The following APIP variants were observed in gnomAD, a reference collection of about 807,000 sequenced individuals.
APIP encodes methylthioribulose-1-phosphate dehydratase.
Under a neutral mutation model 32.0 loss-of-function variants are expected in APIP, and 32 were observed. The ratio of observed to expected loss-of-function variants is 1.00; its 90% CI spans 0.76 to 1.34. The LOEUF is 1.34. APIP is among the 40% of genes most tolerant of loss of function. APIP has a pLI of 0.00. For synonymous variants in APIP, 92 were observed against 94.8 expected, an observed-to-expected ratio of 0.97 and a Z score of 0.17; for missense variants, 247 against 298.6, an observed-to-expected ratio of 0.83 and a Z score of 1.27.
At chr11:34,888,043 T>C (rs1006534161) in intron 5 of APIP, among the ~76,000 whole-genome samples, 11 of 152,238 alleles carry the variant, frequency 7.2e-5, no homozygotes, top group African/African-American at 2.6e-4. Flanking sequence ...CAAGATTTTT[T>C]TCAGTTTAAA....
intron 5 of APIP, among the ~76,000 whole-genome samples, chr11:34,886,384 T>C (rs537112698): frequency 5.5e-4 from 83 of 152,074 alleles, no homozygotes; most frequent in Non-Finnish European, 1.1e-3. Context: ...GAAAATATTT[T>C]TGTATAGCTG....
Position 34,899,154 on chromosome 11 carries a change from C to A in APIP, c.58-4044G>T, listed in dbSNP as rs1238897354. Among the ~76,000 whole-genome samples, 5 of 152,188 alleles carry A rather than the reference C, an allele frequency of 3.3e-5. 1 individual carries two copies. The East Asian group carries it at 9.6e-4, about 29-fold the overall frequency. On this transcript the variant is annotated intron_variant, in intron 1 of 6. Coordinates refer to ENST00000395787, the MANE Select transcript of APIP (RefSeq NM_015957.4). ...AAAGTGCTGGGATTACAGGCGTGAG[C>A]CACTGAGCCCGGCCTCGAGCAAATA...
chr11:34,906,786 G>A (rs1219773019), intron 1 of APIP, among the ~76,000 whole-genome samples: 1 of 152,198 alleles, frequency 6.6e-6, no homozygotes, highest in Non-Finnish European at 1.5e-5. Flanking sequence ...GCAGGCTTCA[G>A]CCCCGGGTGG....
intron 1 of APIP, among the ~76,000 whole-genome samples, chr11:34,895,633 A>C (rs1183529820): frequency 6.6e-6 from 1 of 152,248 alleles, no homozygotes; most frequent in Non-Finnish European, 1.5e-5. Context: ...AAAGCAATAT[A>C]TACTCATTAT....
chr11:34,910,684 C>A (rs1343723121), intron 1 of APIP, among the ~76,000 whole-genome samples: 1 of 151,868 alleles, frequency 6.6e-6, no homozygotes, highest in Non-Finnish European at 1.5e-5. Flanking sequence ...TTATAGAGTG[C>A]TTATTTTGTG....
chr11:34,888,953 T>C, intron 3 of APIP, 84 bp from the exon 4 acceptor site: 1 of 736,356 alleles, frequency 1.4e-6, no homozygotes, highest in Non-Finnish European at 2.0e-6. Flanking sequence ...TACATATACA[T>C]AAGAATACAA....
At chr11:34,883,589 A>C (rs1180415370) in intron 5 of APIP, 85 bp from the exon 6 acceptor site, 1 of 1,401,594 alleles carries the variant, frequency 7.1e-7, no homozygotes, top group Non-Finnish European at 9.7e-7. Flanking sequence ...TCAAGTAACC[A>C]GTTAGACATG....
At chr11:34,913,830 T>C (rs1439860654) in intron 1 of APIP, among the ~76,000 whole-genome samples, 1 of 152,160 alleles carries the variant, frequency 6.6e-6, no homozygotes, top group Non-Finnish European at 1.5e-5. Context: ...GATTGGTGCA[T>C]TTACAATCCT....
intron 1 of APIP, among the ~76,000 whole-genome samples, chr11:34,901,175 T>C (rs143306059): frequency 2.3e-4 from 35 of 152,176 alleles, no homozygotes; most frequent in African/African-American, 8.2e-4. Flanking sequence ...GTAGCAGTGG[T>C]GCAAGCTTGC....
chr11:34,885,241 A>G (rs1408833677), intron 5 of APIP, among the ~76,000 whole-genome samples: 1 of 148,520 alleles, frequency 6.7e-6, no homozygotes, highest in Non-Finnish European at 1.5e-5. Context: ...ATACATGTAT[A>G]TATAACTATA....
intron 1 of APIP, among the ~76,000 whole-genome samples, chr11:34,909,841 AACTGGGCT>A (rs1294944250): frequency 6.6e-6 from 1 of 152,134 alleles, no homozygotes; most frequent in Non-Finnish European, 1.5e-5. Context: ...CTAGTGGAGG[AACTGGGCT>A]TCTTGCCTTT....
intron 1 of APIP, among the ~76,000 whole-genome samples, chr11:34,901,488 G>C (rs1481708679): frequency 2.0e-5 from 3 of 152,016 alleles, no homozygotes; most frequent in African/African-American, 7.3e-5. Context: ...AGGAAGGAAG[G>C]TAGATCTCCT....
intron 1 of APIP, among the ~76,000 whole-genome samples, chr11:34,913,291 A>G (rs1385063245): frequency 1.3e-5 from 2 of 152,218 alleles, no homozygotes; most frequent in Non-Finnish European, 2.9e-5. Flanking sequence ...TTTGTCCAGA[A>G]TTGGTTCCTT....
At chr11:34,883,800 A>C (rs961322950) in intron 5 of APIP, among the ~76,000 whole-genome samples, 2 of 152,232 alleles carry the variant, frequency 1.3e-5, no homozygotes, top group Non-Finnish European at 2.9e-5. Flanking sequence ...TGTTTCCTTG[A>C]AGCAGGGACA....
At chr11:34,896,726 GCAA>G (rs570312466) in intron 1 of APIP, 59 of 1,079,650 alleles carry the variant, frequency 5.5e-5, no homozygotes, top group African/African-American at 4.3e-4. Flanking sequence ...GCATAATAAA[GCAA>G]CAACAACAAC....
chr11:34,883,312 C>A (rs1852999860), intron 6 of APIP, 25 bp downstream of exon 6: 1 of 1,565,116 alleles, frequency 6.4e-7, no homozygotes, highest in Admixed American at 1.8e-5. Context: ...TAACTTGTTC[C>A]CCATGTTCTC....
At chr11:34,887,520 A>G (rs1394181222) in intron 5 of APIP, among the ~76,000 whole-genome samples, 2 of 152,238 alleles carry the variant, frequency 1.3e-5, no homozygotes. Context: ...TTAAACATGC[A>G]CATTCCATTA....
At chr11:34,915,601 G>T (rs1853660230) in intron 1 of APIP, among the ~76,000 whole-genome samples, 2 of 152,170 alleles carry the variant, frequency 1.3e-5, no homozygotes, top group Admixed American at 1.3e-4. Flanking sequence ...TGTAGAAGGC[G>T]CTCCATAAAA....
intron 1 of APIP, among the ~76,000 whole-genome samples, chr11:34,897,268 G>C (rs1254912194): frequency 6.6e-6 from 1 of 152,160 alleles, no homozygotes; most frequent in Admixed American, 6.5e-5. Flanking sequence ...CTTAGACTTG[G>C]AGTTAGCTGA....
Sources: allele counts gnomAD v4.1 joint callset (sites outside exome capture counted in the v4.1 genomes callset), GRCh38; gene constraint gnomAD v4.1.1; transcripts MANE v1.5; gene names NCBI Gene and HGNC (gene_info 2026-07-23, HGNC 2026-07-21).